The following PREX1 variants were observed in gnomAD, a reference collection of about 807,000 sequenced individuals.
PREX1 encodes the protein phosphatidylinositol 3,4,5-trisphosphate-dependent Rac exchanger 1 protein.
In PREX1, 41 loss-of-function variants were observed where a neutral mutation model predicts 198.3. That is an observed-to-expected ratio of 0.21 (90% CI 0.16 to 0.27). PREX1 has a LOEUF of 0.27. PREX1 is among the 10% of genes least tolerant of loss of function. The probability of loss-of-function intolerance (pLI) is 1.00; values close to 1 mark genes in which losing one functional copy is unlikely to be tolerated. For synonymous variants in PREX1, 843 were observed against 887.2 expected, an observed-to-expected ratio of 0.95 and a Z score of 0.89; for missense variants, 1,620 against 2,200.7, an observed-to-expected ratio of 0.74 and a Z score of 5.28.
At chr20:48,749,173 GTTT>G (rs1381221720) in intron 1 of PREX1, among the ~76,000 whole-genome samples, 1 of 152,144 alleles carries the variant, frequency 6.6e-6, no homozygotes, top group Non-Finnish European at 1.5e-5. Flanking sequence ...CCTCCGCCTG[GTTT>G]GCCGGAACTC....
Position 48,637,723 on chromosome 20 carries a change from G to A in PREX1, c.3934C>T (p.Leu1312=). 6.2e-7 allele frequency: 1 copy of A among 1,612,050 alleles called. No homozygotes were observed. The highest frequency in any genetic ancestry group is 1.3e-5 in the African/African-American group (1 of 75,020). ...TTAAAGGCCTCACCTGTGCACTTCA[G>A]CAAGGCCAGGAGCAGCTGGTTCTTC... The part of the protein sequence containing the change: ...DGKNQLLLAL[L]KCTDTELQLR... The change falls in exon 31 of 40, where the codon CTG becomes TTG. Residue 1312 remains leucine, a synonymous_variant. Transcript: ENST00000371941.
At chr20:48,742,497 G>A (rs2090086754) in intron 3 of PREX1, among the ~76,000 whole-genome samples, 1 of 152,078 alleles carries the variant, frequency 6.6e-6, no homozygotes. Context: ...TCGAGCAGCT[G>A]GGCTCTAAAA....
chr20:48,660,021 G>GA lies in PREX1; in HGVS notation c.1778dup (p.Arg594ProfsTer5). On this transcript the variant is annotated frameshift_variant, in exon 16 of 40. Coordinates refer to ENST00000371941, the MANE Select transcript of PREX1 (RefSeq NM_020820.4). LOFTEE classifies it high-confidence loss of function. ...CCATCTCCTCGTCAGCATGAAAGCGGAAGTACTGGGACTCATCCCTGAACT... is the reference window on the plus strand; with the variant it reads ...CCATCTCCTCGTCAGCATGAAAGCGGAAAGTACTGGGACTCATCCCTGAACT... The GA allele has an allele frequency of 6.2e-7, 1 of 1,614,208 alleles. No individual in the cohort carries two copies. The highest frequency in any genetic ancestry group is 8.5e-7 in the Non-Finnish European group (1 of 1,180,040).
Position 48,625,906 on chromosome 20 carries a change from C to T in PREX1, c.4959G>A (p.Pro1653=), listed in dbSNP as rs112533080. Residue 1653 remains proline, a synonymous_variant, in exon 40 of 40, where the codon CCG becomes CCA. Coordinates refer to ENST00000371941, the MANE Select transcript of PREX1 (RefSeq NM_020820.4). ...GAPRLYRLCQ[P]PVDGDL is the part of the protein sequence containing the mutation. ...GTGTTCAGAGGTCCCCATCCACCGG[C>T]GGCTGGCAGAGGCGGTAGAGGCTGG... 31 of 1,563,414 alleles carry T rather than the reference C, an allele frequency of 2.0e-5. No individual in the cohort carries two copies. Among genetic ancestry groups the T allele is most frequent in the African/African-American group, 1.8e-4 (13 of 71,400 alleles).
chr20:48,704,291 A>T (rs6095246), intron 6 of PREX1, among the ~76,000 whole-genome samples: 2 of 152,094 alleles, frequency 1.3e-5, no homozygotes, highest in Non-Finnish European at 2.9e-5. Context: ...TTTTCTTTGC[A>T]ATCGATAGTC....
At chr20:48,860,811 G>A in the PREX1 span, among the ~76,000 whole-genome samples, 1 of 150,200 alleles carries the variant, frequency 6.7e-6, no homozygotes, top group Non-Finnish European at 1.5e-5. Flanking sequence ...CTCTGGCTGG[G>A]CGACAAAGTG....
intron 3 of PREX1, among the ~76,000 whole-genome samples, chr20:48,739,535 C>T (rs1193089602): frequency 1.3e-5 from 2 of 152,190 alleles, no homozygotes; most frequent in Non-Finnish European, 2.9e-5. Context: ...TCACTCTTTA[C>T]CACATCTGCA....
intron 14 of PREX1, among the ~76,000 whole-genome samples, chr20:48,670,477 C>T (rs917921753): frequency 2.6e-5 from 4 of 152,192 alleles, no homozygotes; most frequent in African/African-American, 7.2e-5. Flanking sequence ...TCCTGCTCAG[C>T]CTGCTGACCC....
intron 1 of PREX1, among the ~76,000 whole-genome samples, chr20:48,800,287 TA>T (rs1413852896): frequency 1.3e-5 from 2 of 152,108 alleles, no homozygotes; most frequent in African/African-American, 4.8e-5. Context: ...GATTTATTGA[TA>T]AGCCCCTTAT....
chr20:48,682,909 G>C (rs1246917634), intron 10 of PREX1, among the ~76,000 whole-genome samples: 1 of 152,258 alleles, frequency 6.6e-6, no homozygotes, highest in African/African-American at 2.4e-5. Context: ...GGGCCAGAGG[G>C]GGGCAGGGCT....
intron 3 of PREX1, among the ~76,000 whole-genome samples, chr20:48,744,171 T>C (rs1953591421): frequency 6.6e-6 from 1 of 152,134 alleles, no homozygotes; most frequent in African/African-American, 2.4e-5. Flanking sequence ...GGCCTCTACT[T>C]ACTAGAAACC....
At chr20:48,688,860 T>G in intron 9 of PREX1, 56 bp from the exon 10 acceptor site, 1 of 1,605,262 alleles carries the variant, frequency 6.2e-7, no homozygotes, top group Non-Finnish European at 8.5e-7. Flanking sequence ...GCAGGGGGGG[T>G]AGGGGGAGAC....
intron 32 of PREX1, 119 bp from the exon 33 acceptor site, chr20:48,634,894 G>A (rs1384600915): frequency 2.6e-6 from 2 of 772,164 alleles, no homozygotes; most frequent in Non-Finnish European, 4.4e-6. Flanking sequence ...CTGGGTGCCA[G>A]GTCCTGAGCG....
chr20:48,798,470 GC>G (rs2090372553), intron 1 of PREX1, among the ~76,000 whole-genome samples: 1 of 152,162 alleles, frequency 6.6e-6, no homozygotes, highest in South Asian at 2.1e-4. Context: ...GGAAATCCCT[GC>G]TCCTCACCTC....
intron 1 of PREX1, among the ~76,000 whole-genome samples, chr20:48,779,841 AG>A (rs2090280282): frequency 6.6e-6 from 1 of 152,198 alleles, no homozygotes; most frequent in African/African-American, 2.4e-5. Context: ...AGTGGTTGTC[AG>A]GGGTAACGAT....
intron 19 of PREX1, among the ~76,000 whole-genome samples, chr20:48,654,878 G>C (rs1408773571): frequency 6.6e-6 from 1 of 152,232 alleles, no homozygotes; most frequent in Non-Finnish European, 1.5e-5. Flanking sequence ...TTGAACTGGT[G>C]GCCTTTCGGC....
the PREX1 span, among the ~76,000 whole-genome samples, chr20:48,841,704 G>A: frequency 4.6e-5 from 7 of 152,160 alleles, no homozygotes; most frequent in East Asian, 5.8e-4. Flanking sequence ...AACCGCAGCC[G>A]GCTGTAGACA....
At chr20:48,882,869 T>C in the PREX1 span, among the ~76,000 whole-genome samples, 1 of 151,972 alleles carries the variant, frequency 6.6e-6, no homozygotes, top group Non-Finnish European at 1.5e-5. Flanking sequence ...ATTGGTCATT[T>C]GTATATCTTC....
chr20:48,833,336 G>C, the PREX1 span, among the ~76,000 whole-genome samples: 1 of 152,002 alleles, frequency 6.6e-6, no homozygotes, highest in Non-Finnish European at 1.5e-5. Context: ...CTGAGATCCT[G>C]AATTAACCAA....
Sources: gnomAD v4.1 joint callset for allele counts (sites outside exome capture counted in the v4.1 genomes callset) on GRCh38, gnomAD v4.1.1 for gene constraint, MANE v1.5 for transcripts, NCBI Gene and HGNC (gene_info 2026-07-23, HGNC 2026-07-21) for gene names.